The following KLK5 variants were observed in gnomAD, a reference collection of about 807,000 sequenced individuals.
KLK5 encodes the protein kallikrein-5.
In KLK5, 18 loss-of-function variants were observed where a neutral mutation model predicts 24.0. The observed-to-expected ratio is 0.75, with a 90% CI of 0.52 to 1.11. The LOEUF (loss-of-function observed/expected upper bound fraction) is 1.11. KLK5 is among the 50% of genes most tolerant of loss of function. The pLI is 0.00. For missense variants in KLK5, 374 were observed against 379.2 expected (o/e 0.99, Z 0.11); for synonymous variants, 140 against 154.0 (o/e 0.91, Z 0.67).
chr19:50,944,682 C>T (rs964497189), intron 5 of KLK5, among the ~76,000 whole-genome samples: 4 of 152,168 alleles, frequency 2.6e-5, no homozygotes, highest in South Asian at 2.1e-4. Flanking sequence ...GGAGGCCTGC[C>T]GTGTGCATCA....
chr19:50,952,737 C>T lies in KLK5; in HGVS notation c.-12+10G>A. 9.7e-7 allele frequency: 1 copy of T among 1,029,104 alleles called. No individual in the cohort carries two copies. Among genetic ancestry groups the T allele is most frequent in the Non-Finnish European group, 1.4e-6 (1 of 714,770 alleles). The allele number at this position is 1,029,104 out of a possible 1,614,324, so 63.7% of individuals were successfully genotyped here. On this transcript the variant is annotated intron_variant, in intron 1 of 5. Transcript: ENST00000336334. ...GGGAGCCCTTAACCCACTTCCCCTC[C>T]CTCCCCTACCTTATTTCCCCAGGTA...
At chr19:50,944,922 A>G (rs1195615953) in intron 5 of KLK5, among the ~76,000 whole-genome samples, 7 of 151,212 alleles carry the variant, frequency 4.6e-5, no homozygotes, top group Non-Finnish European at 1.5e-5. Context: ...TTCAACAGTC[A>G]TTTTTTTCCC....
At chr19:50,949,473 G>A (rs2090664648) in intron 3 of KLK5, among the ~76,000 whole-genome samples, 1 of 149,776 alleles carries the variant, frequency 6.7e-6, no homozygotes, top group Non-Finnish European at 1.5e-5. Context: ...ACCCCAGCCC[G>A]ATTTTCACCC....
chr19:50,949,585 A>C (rs1053778943), intron 3 of KLK5, among the ~76,000 whole-genome samples: 1 of 149,604 alleles, frequency 6.7e-6, no homozygotes, highest in African/African-American at 2.5e-5. Context: ...GCTCCTTCCC[A>C]TTCCCTACCA....
intron 5 of KLK5, among the ~76,000 whole-genome samples, chr19:50,946,271 C>T (rs1484917620): frequency 6.6e-6 from 1 of 152,174 alleles, no homozygotes; most frequent in Admixed American, 6.5e-5. Context: ...TAAAATAGGG[C>T]CAATAATAAC....
intron 5 of KLK5, among the ~76,000 whole-genome samples, chr19:50,946,529 C>T (rs2090635868): frequency 6.6e-6 from 1 of 151,850 alleles, no homozygotes; most frequent in South Asian, 2.1e-4. Context: ...GTTTTAAATG[C>T]CACCACTTGA....
chr19:50,947,687 T>G lies in KLK5; in HGVS notation c.726+953A>C, dbSNP rs1387591087. On this transcript the variant is annotated intron_variant, in intron 5 of 5. Coordinates refer to ENST00000336334, the MANE Select transcript of KLK5 (RefSeq NM_012427.5). This position sits in a 1 kb window ranked among gnomAD's most constrained non-coding sequence, Gnocchi z 8.7. ...ATTTCTCTTTTCCTTCCTCAAGATA[T>G]TTTACCAGCACTTGCTAGAAAACTG... Among the ~76,000 whole-genome samples the G allele has an allele frequency of 6.6e-6, 1 of 152,224 alleles. No homozygotes were observed. Among genetic ancestry groups the G allele is most frequent in the South Asian group, 2.1e-4 (1 of 4,834 alleles).
chr19:50,949,384 C>A (rs2090664004), intron 3 of KLK5, among the ~76,000 whole-genome samples: 1 of 151,728 alleles, frequency 6.6e-6, no homozygotes, highest in Admixed American at 6.6e-5. Flanking sequence ...TCTCCAACCC[C>A]ACCCAAAACT....
In KLK5 at chr19:50,947,742, A is replaced by G. The variant is rs1247733750; in HGVS notation, c.726+898T>C. ...ATTACAGATTTTGTTGAAACAAGAC[A>G]CTTAACTACCACACGCCTGAAAACT... On this transcript the variant is annotated intron_variant, in intron 5 of 5. Coordinates refer to ENST00000336334, the MANE Select transcript of KLK5 (RefSeq NM_012427.5). This position sits in a 1 kb window ranked among gnomAD's most constrained non-coding sequence, Gnocchi z 8.7. Among the ~76,000 whole-genome samples, 2 of 152,230 alleles carry G rather than the reference A, an allele frequency of 1.3e-5. No individual in the cohort carries two copies. The highest frequency in any genetic ancestry group is 2.9e-5 in the Non-Finnish European group (2 of 68,044).
rs2090699818 is a variant in KLK5, at chr19:50,952,814, A to G, written c.-79T>C. 2.0e-6 allele frequency: 1 copy of G among 507,556 alleles called. No homozygotes were observed. Among genetic ancestry groups the G allele is most frequent in the Non-Finnish European group, 3.5e-6 (1 of 289,620 alleles). The allele number at this position is 507,556 out of a possible 1,614,324, so 31.4% of individuals were successfully genotyped here. A position where few individuals can be genotyped will look rare whatever the true frequency, so the allele number is the denominator to read the frequency against. ...ATCGGCACTGCGCTGAGACCCAGGC[A>G]CTATAGAATTCAGAAGATAGGAGTC... On this transcript the variant is annotated 5_prime_UTR_variant, in exon 1 of 6. Transcript: ENST00000336334.
chr19:50,950,019 G>T lies in KLK5; in HGVS notation c.171C>A (p.Asp57Glu). 1 of 1,613,558 alleles carries T rather than the reference G, an allele frequency of 6.2e-7. No individual in the cohort carries two copies. Residue 57 changes from aspartate (D) to glutamate (E), a missense_variant, in exon 3 of 6, where the codon GAC (aspartate) becomes GAA (glutamate). By Grantham distance (45) the Asp-to-Glu change is conservative. Transcript: ENST00000336334. Reference protein sequence around the residue: ...NQDLGAGAGEDARSDDSSSRI... With the variant: ...NQDLGAGAGEEARSDDSSSRI... The stretch of plus-strand genomic sequence containing the variant: ...GGCTGCTGCTGTCATCCGACCGGGC[G>T]TCTTCCCCGGCCCCAGCTCCCAGGT...
rs764015022 is a variant in KLK5, at chr19:50,950,136, T to A, written c.74-20A>T. The A allele has an allele frequency of 1.1e-5, 16 of 1,490,486 alleles. No homozygotes were observed. The highest frequency in any genetic ancestry group is 1.5e-5 in the Non-Finnish European group (16 of 1,094,314). 92.3% of individuals were successfully genotyped at this position (1,490,486 alleles called of 1,614,324 possible). On this transcript the variant is annotated intron_variant, in intron 2 of 5. Coordinates refer to ENST00000336334, the MANE Select transcript of KLK5 (RefSeq NM_012427.5). ...CATGCTCTGGGAACGGAAAATGGGTTGGGCGGGGCTCAGAGGCGGGGCTTG... is the reference window on the plus strand; with the variant it reads ...CATGCTCTGGGAACGGAAAATGGGTAGGGCGGGGCTCAGAGGCGGGGCTTG...
intron 5 of KLK5, among the ~76,000 whole-genome samples, chr19:50,946,717 G>T (rs1033141482): frequency 3.3e-5 from 5 of 151,874 alleles, no homozygotes; most frequent in African/African-American, 4.8e-5. Flanking sequence ...CTGCCACCAC[G>T]CCCGGCTAAT....
intron 2 of KLK5, among the ~76,000 whole-genome samples, chr19:50,951,953 C>A (rs1439675298): frequency 6.6e-6 from 1 of 152,102 alleles, no homozygotes; most frequent in Non-Finnish European, 1.5e-5. Flanking sequence ...AGACACACAG[C>A]TGCACCATCA....
intron 3 of KLK5, 26 bp from the exon 4 acceptor site, chr19:50,949,141 C>T: frequency 1.9e-6 from 3 of 1,604,480 alleles, no homozygotes; most frequent in East Asian, 2.2e-5. Flanking sequence ...CAGGTCACCA[C>T]CAACCCTGAT....
At chr19:50,944,249 C>T (rs568416436) in intron 5 of KLK5, among the ~76,000 whole-genome samples, 23 of 152,168 alleles carry the variant, frequency 1.5e-4, no homozygotes, top group African/African-American at 4.1e-4. Flanking sequence ...TCAAGTGATT[C>T]GCCCACCTCA....
At position 50,947,641 on chromosome 19, in the gene KLK5, T is replaced by G. The variant is rs1238551501; in HGVS notation, c.726+999A>C. On this transcript the variant is annotated intron_variant, in intron 5 of 5. Coordinates refer to ENST00000336334, the MANE Select transcript of KLK5 (RefSeq NM_012427.5). The surrounding 1 kb of genome is among the most constrained non-coding windows in gnomAD (Gnocchi z 8.7). ...AATTAATCCCCTGTATTAAATATTCTCTTGTAAAAATACCTACCAGATTTC... is the reference window on the plus strand; with the variant it reads ...AATTAATCCCCTGTATTAAATATTCGCTTGTAAAAATACCTACCAGATTTC... 2.1e-5 allele frequency among the ~76,000 whole-genome samples: 3 copies of G among 145,460 alleles called. No homozygotes were observed. Among genetic ancestry groups the G allele is most frequent in the Non-Finnish European group, 4.6e-5 (3 of 65,890 alleles).
At chr19:50,945,817 G>GAAAAGAAAAGAAAAGAAAAGAAAAGA (rs1282908223) in intron 5 of KLK5, among the ~76,000 whole-genome samples, 1 of 152,028 alleles carries the variant, frequency 6.6e-6, no homozygotes, top group Non-Finnish European at 1.5e-5. Flanking sequence ...GAAAAGAAAA[G>GAAAAGAAAAGAAAAGAAAAGAAAAGA]AAATAAATAT....
intron 5 of KLK5, among the ~76,000 whole-genome samples, chr19:50,944,595 T>G (rs1192556334): frequency 6.6e-6 from 1 of 152,110 alleles, no homozygotes; most frequent in Non-Finnish European, 1.5e-5. Context: ...TCTGCAAAAA[T>G]ACGGTTCTCA....
Sources: gnomAD v4.1 joint callset for allele counts (sites outside exome capture counted in the v4.1 genomes callset) on GRCh38, gnomAD v4.1.1 for gene constraint, Gnocchi (gnomAD v3.1) non-coding constraint, MANE v1.5 for transcripts, NCBI Gene and HGNC (gene_info 2026-07-23, HGNC 2026-07-21) for gene names.